Variants in GRM8 observed in about 807,000 individuals in gnomAD.
The protein encoded by GRM8 is glutamate metabotropic receptor 8.
A neutral mutation model predicts 87.2 loss-of-function variants in GRM8; 47 were observed. The observed-to-expected ratio is 0.54, with a 90% CI of 0.43 to 0.69. GRM8 has a LOEUF of 0.69. Among genes scored for constraint, GRM8 ranks in the 30% least tolerant of loss-of-function variants. The pLI is 0.00. For missense variants in GRM8, 1,019 were observed against 1,139.2 expected (o/e 0.89, Z 1.52); for synonymous variants, 396 against 404.5 (o/e 0.98, Z 0.25).
In GRM8 at chr7:126,733,645, T is replaced by C. The variant is rs187481044; in HGVS notation, c.1357+36220A>G. Among the ~76,000 whole-genome samples the C allele has an allele frequency of 1.4e-3, 210 of 151,956 alleles. 1 individual carries two copies. Among genetic ancestry groups the C allele is most frequent in the African/African-American group, 4.9e-3 (202 of 41,506 alleles). ...AGTGTAGTTAGACATTTGGAAAAAA[T>C]TGATAAACGCATTAATAACGGACAA... On this transcript the variant is annotated intron_variant, in intron 7 of 10. Coordinates refer to ENST00000339582, the MANE Select transcript of GRM8 (RefSeq NM_000845.3).
At chr7:127,177,160 TG>T (rs1794160769) in intron 2 of GRM8, among the ~76,000 whole-genome samples, 1 of 151,844 alleles carries the variant, frequency 6.6e-6, no homozygotes, top group African/African-American at 2.4e-5. Context: ...CTACTGGGGG[TG>T]GGGGCACAGT....
chr7:126,710,816 G>A (rs1811022097), intron 7 of GRM8, among the ~76,000 whole-genome samples: 1 of 152,106 alleles, frequency 6.6e-6, no homozygotes, highest in Non-Finnish European at 1.5e-5. Flanking sequence ...TTCAGAAGGT[G>A]TTCAATTTCC....
chr7:127,093,806 T>C (rs1462860023), intron 3 of GRM8, among the ~76,000 whole-genome samples: 4 of 152,184 alleles, frequency 2.6e-5, no homozygotes, highest in Non-Finnish European at 5.9e-5. Flanking sequence ...GAAATGGTTT[T>C]GGTCAGGTAA....
chr7:126,751,295 G>GA (rs34676494), intron 7 of GRM8, among the ~76,000 whole-genome samples: 59,021 of 151,044 alleles, frequency 0.39, 12,699 homozygotes, highest in Non-Finnish European at 0.48. Flanking sequence ...CTTCTTTTTT[G>GA]AAAAAAAAGA....
chr7:126,714,323 T>TAATAATAAA (rs1347371617), intron 7 of GRM8, among the ~76,000 whole-genome samples: 76 of 141,174 alleles, frequency 5.4e-4, no homozygotes, highest in African/African-American at 1.8e-3. Context: ...ATAATAATAA[T>TAATAATAAA]AAATAGTATC....
intron 6 of GRM8, among the ~76,000 whole-genome samples, chr7:126,891,641 T>C (rs981764216): frequency 5.0e-4 from 76 of 152,028 alleles, no homozygotes; most frequent in African/African-American, 1.8e-3. Context: ...TAATCTCTTT[T>C]TCTTAATTCT....
chr7:126,678,890 G>C (rs1174281424), intron 7 of GRM8, among the ~76,000 whole-genome samples: 2 of 152,144 alleles, frequency 1.3e-5, no homozygotes, highest in Non-Finnish European at 2.9e-5. Context: ...TGGTAATTTG[G>C]AAACTGTTTT....
intron 9 of GRM8, among the ~76,000 whole-genome samples, chr7:126,516,663 T>G (rs375947755): frequency 2.0e-5 from 3 of 152,128 alleles, no homozygotes; most frequent in East Asian, 1.9e-4. Flanking sequence ...GGCACCACTT[T>G]AAATTAGTGT....
At chr7:127,077,269 T>A (rs543036862) in intron 3 of GRM8, among the ~76,000 whole-genome samples, 1 of 152,036 alleles carries the variant, frequency 6.6e-6, no homozygotes, top group Non-Finnish European at 1.5e-5. Context: ...ATGTCAGGAG[T>A]TTTCATAAGT....
At chr7:126,509,843 A>AG (rs1562898926) in intron 9 of GRM8, among the ~76,000 whole-genome samples, 2 of 152,060 alleles carry the variant, frequency 1.3e-5, no homozygotes, top group African/African-American at 4.8e-5. Context: ...CATAGGACAT[A>AG]GGTAATAAAT....
intron 6 of GRM8, among the ~76,000 whole-genome samples, chr7:126,881,489 G>T (rs563516005): frequency 1.3e-5 from 2 of 152,300 alleles, no homozygotes; most frequent in African/African-American, 4.8e-5. Context: ...CCCCACCCAA[G>T]ATAAACACAG....
chr7:127,190,543 T>TAA (rs35809104), intron 2 of GRM8, among the ~76,000 whole-genome samples: 4 of 138,694 alleles, frequency 2.9e-5, no homozygotes, highest in African/African-American at 8.0e-5. Context: ...GACTCGGTCT[T>TAA]AAAAAAAAAA....
At chr7:126,737,397 C>A (rs1563138509) in intron 7 of GRM8, among the ~76,000 whole-genome samples, 1 of 151,954 alleles carries the variant, frequency 6.6e-6, no homozygotes, top group Admixed American at 6.6e-5. Context: ...CCCCCACCCA[C>A]CAAATTATCC....
intron 3 of GRM8, among the ~76,000 whole-genome samples, chr7:126,985,619 T>C (rs1233340827): frequency 1.3e-5 from 2 of 152,176 alleles, no homozygotes; most frequent in African/African-American, 4.8e-5. Flanking sequence ...GTGAGAGCCA[T>C]CTTGCTGGCA....
rs540348157 is a variant in GRM8, at chr7:127,225,990, A to AT, written c.510+16704dup. Among the ~76,000 whole-genome samples, 40 of 152,334 alleles carry AT rather than the reference A, an allele frequency of 2.6e-4. No individual in the cohort carries two copies. The South Asian group carries it at 8.1e-3, about 31-fold the overall frequency. On this transcript the variant is annotated intron_variant, in intron 2 of 10. Coordinates refer to ENST00000339582, the MANE Select transcript of GRM8 (RefSeq NM_000845.3). ...GGGAAGGTATTTGTACACGTCATTCATTATTCCAAATATAAGGGTATTTGT... is the reference window on the plus strand; with the variant it reads ...GGGAAGGTATTTGTACACGTCATTCATTTATTCCAAATATAAGGGTATTTGT...
chr7:126,982,062 A>C lies in GRM8; in HGVS notation c.728-77379T>G, dbSNP rs148668262. On this transcript the variant is annotated intron_variant, in intron 3 of 10. Transcript: ENST00000339582. ...TCACATGATCACAAGGTCCCACAAT[A>C]GGCTGTCTGCAAGCTGAGGAGCAAG... Among the ~76,000 whole-genome samples the C allele has an allele frequency of 9.4e-3, 1,431 of 152,328 alleles. 29 individuals carry two copies. Among genetic ancestry groups the C allele is most frequent in the African/African-American group, 0.033 (1,362 of 41,572 alleles).
chr7:127,099,755 C>G (rs1247094799), intron 3 of GRM8, among the ~76,000 whole-genome samples: 2 of 152,194 alleles, frequency 1.3e-5, no homozygotes, highest in Admixed American at 6.5e-5. Context: ...AGCTAACCTT[C>G]TGAGTATACC....
intron 9 of GRM8, among the ~76,000 whole-genome samples, chr7:126,494,920 G>T (rs1301846271): frequency 6.6e-6 from 1 of 152,002 alleles, no homozygotes; most frequent in Non-Finnish European, 1.5e-5. Flanking sequence ...ATGACTGCTC[G>T]TGAATATGTT....
intron 6 of GRM8, among the ~76,000 whole-genome samples, chr7:126,787,180 CG>C (rs1395486165): frequency 6.6e-6 from 1 of 152,108 alleles, no homozygotes; most frequent in Non-Finnish European, 1.5e-5. Context: ...TGATAATGCC[CG>C]GGTGTGACCA....
Sources: allele counts gnomAD v4.1 joint callset (sites outside exome capture counted in the v4.1 genomes callset), GRCh38; gene constraint gnomAD v4.1.1; transcripts MANE v1.5; gene names NCBI Gene and HGNC (gene_info 2026-07-23, HGNC 2026-07-21).